The following PLCB4 variants were observed in gnomAD, a reference collection of about 807,000 sequenced individuals.
PLCB4 encodes phospholipase C beta 4.
A neutral mutation model predicts 178.8 loss-of-function variants in PLCB4; 77 were observed. That is an observed-to-expected ratio of 0.43 (90% confidence interval 0.36 to 0.52). The LOEUF (loss-of-function observed/expected upper bound fraction) is 0.52, where lower values mean the gene tolerates loss of function less well. Among genes scored for constraint, PLCB4 ranks in the 20% least tolerant of loss-of-function variants. The pLI is 0.00. For missense variants in PLCB4, 1,024 were observed against 1,453.4 expected (o/e 0.70, Z 4.80); for synonymous variants, 496 against 490.8 (o/e 1.01, Z -0.14).
At chr20:9,074,777 G>T (rs2089751479) in intron 1 of PLCB4, among the ~76,000 whole-genome samples, 1 of 142,834 alleles carries the variant, frequency 7.0e-6, no homozygotes, top group Non-Finnish European at 1.5e-5. Context: ...CAGGGTATCT[G>T]TCTCCCAGCT....
At chr20:9,111,921 T>A (rs555905296) in intron 2 of PLCB4, among the ~76,000 whole-genome samples, 1 of 152,200 alleles carries the variant, frequency 6.6e-6, no homozygotes, top group Non-Finnish European at 1.5e-5. Context: ...ATGTATTTAA[T>A]GTGTCTTAAA....
intron 1 of PLCB4, among the ~76,000 whole-genome samples, chr20:9,076,732 C>T (rs2089887458): frequency 6.6e-6 from 1 of 152,300 alleles, no homozygotes; most frequent in South Asian, 2.1e-4. Flanking sequence ...CACACTGGAT[C>T]AAATGAAAAT....
chr20:9,177,184 T>C (rs2093169563), intron 2 of PLCB4, among the ~76,000 whole-genome samples: 3 of 152,024 alleles, frequency 2.0e-5, no homozygotes, highest in Non-Finnish European at 4.4e-5. Flanking sequence ...TGAAAAAATA[T>C]ATCCAATAGA....
chr20:9,391,594 G>T (rs2038151188), intron 17 of PLCB4, among the ~76,000 whole-genome samples: 1 of 152,174 alleles, frequency 6.6e-6, no homozygotes, highest in African/African-American at 2.4e-5. Context: ...TGTATCCTTT[G>T]TCCCCCTTCC....
chr20:9,268,311 C>T (rs1294201435), intron 3 of PLCB4, among the ~76,000 whole-genome samples: 3 of 152,118 alleles, frequency 2.0e-5, no homozygotes, highest in Non-Finnish European at 4.4e-5. Context: ...TGGTTTCTTT[C>T]TGTTTCTCTG....
intron 2 of PLCB4, among the ~76,000 whole-genome samples, chr20:9,141,612 T>C (rs2092492297): frequency 6.6e-6 from 1 of 152,112 alleles, no homozygotes; most frequent in Non-Finnish European, 1.5e-5. Context: ...GCTGTAAATA[T>C]GTACTGAACA....
intron 2 of PLCB4, among the ~76,000 whole-genome samples, chr20:9,153,371 G>T (rs956456382): frequency 2.0e-5 from 3 of 152,168 alleles, no homozygotes; most frequent in Non-Finnish European, 4.4e-5. Context: ...GTCCCAGGGG[G>T]AGGTAATTAA....
At chr20:9,252,726 T>C (rs2094194129) in intron 3 of PLCB4, among the ~76,000 whole-genome samples, 1 of 152,156 alleles carries the variant, frequency 6.6e-6, no homozygotes, top group Non-Finnish European at 1.5e-5. Flanking sequence ...GGCTTCATCA[T>C]CCAGTCTGGG....
At position 9,157,049 on chromosome 20, in the gene PLCB4, C is replaced by T. The variant is rs185558217; in HGVS notation, c.-78-60341C>T. Among the ~76,000 whole-genome samples, 28 of 151,794 alleles carry T rather than the reference C, an allele frequency of 1.8e-4. No homozygotes were observed. The East Asian group carries it at 4.7e-3, about 25-fold the overall frequency. Reference sequence around the variant, plus strand: ...TGCACAATGTTCTTCCTCTGTTCTTCGCTATTTTAGTCCAAAATGCCTGCT... The same window carrying T: ...TGCACAATGTTCTTCCTCTGTTCTTTGCTATTTTAGTCCAAAATGCCTGCT... On this transcript the variant is annotated intron_variant, in intron 2 of 39. Coordinates refer to ENST00000378473, the MANE Select transcript of PLCB4 (RefSeq NM_001377142.1).
intron 11 of PLCB4, among the ~76,000 whole-genome samples, chr20:9,372,801 TA>T (rs199930688): frequency 0.14 from 20,572 of 143,242 alleles, 3,537 homozygotes; most frequent in African/African-American, 0.41. Flanking sequence ...TTGAAAACGG[TA>T]AAAAAAAAAA....
chr20:9,241,046 A>G (rs2094054952), intron 3 of PLCB4, among the ~76,000 whole-genome samples: 1 of 152,190 alleles, frequency 6.6e-6, no homozygotes, highest in Non-Finnish European at 1.5e-5. Context: ...AGAAGGAAAG[A>G]TAAGACCTAT....
intron 9 of PLCB4, among the ~76,000 whole-genome samples, chr20:9,368,898 C>G (rs1345619356): frequency 6.6e-6 from 1 of 152,138 alleles, no homozygotes; most frequent in Admixed American, 6.6e-5. Flanking sequence ...AACAAAAACT[C>G]ATTGAGTACC....
intron 3 of PLCB4, among the ~76,000 whole-genome samples, chr20:9,259,312 A>T (rs191074574): frequency 1.7e-3 from 253 of 152,332 alleles, no homozygotes; most frequent in Middle Eastern, 3.4e-3. Flanking sequence ...TGTAATTTTC[A>T]TATTGTAAAT....
At chr20:9,105,753 C>T (rs1396236290) in intron 2 of PLCB4, among the ~76,000 whole-genome samples, 4 of 151,948 alleles carry the variant, frequency 2.6e-5, no homozygotes, top group South Asian at 4.1e-4. Flanking sequence ...CCTGCAAAGT[C>T]TTCTGGAAAA....
chr20:9,435,699 T>C lies in PLCB4; in HGVS notation c.2613+51T>C, dbSNP rs904575869. The stretch of plus-strand genomic sequence containing the variant: ...TGGCCAAGTTGTGGGAGTTTGATTA[T>C]CAAACAGTGTTTACAAAAACAAGAC... On this transcript the variant is annotated intron_variant, in intron 29 of 39. Coordinates refer to ENST00000378473, the MANE Select transcript of PLCB4 (RefSeq NM_001377142.1). 2.9e-6 allele frequency: 3 copies of C among 1,027,500 alleles called. No homozygotes were observed. In the South Asian group the frequency reaches 4.1e-5, roughly 14 times the overall value. 63.6% of individuals were successfully genotyped at this position (1,027,500 alleles called of 1,614,324 possible).
chr20:9,189,808 C>A (rs1288197176), intron 2 of PLCB4, among the ~76,000 whole-genome samples: 1 of 152,070 alleles, frequency 6.6e-6, no homozygotes, highest in Non-Finnish European at 1.5e-5. Context: ...GGCTAGTTTG[C>A]GCTAGCCCCT....
intron 4 of PLCB4, among the ~76,000 whole-genome samples, chr20:9,321,634 GT>G (rs941914729): frequency 1.3e-5 from 2 of 151,876 alleles, no homozygotes; most frequent in Non-Finnish European, 2.9e-5. Context: ...TAGGTTTTTT[GT>G]TTTTTGTTTT....
chr20:9,182,139 G>T (rs2093256580), intron 2 of PLCB4, among the ~76,000 whole-genome samples: 2 of 152,178 alleles, frequency 1.3e-5, no homozygotes, highest in Non-Finnish European at 2.9e-5. Flanking sequence ...TCATTAGCTG[G>T]AGTGGTTTTA....
chr20:9,100,212 C>T (rs2091088809), intron 2 of PLCB4, among the ~76,000 whole-genome samples: 1 of 152,138 alleles, frequency 6.6e-6, no homozygotes, highest in African/African-American at 2.4e-5. Context: ...TGGTGACCAG[C>T]ACCAACAGTG....
Sources: allele counts gnomAD v4.1 joint callset (sites outside exome capture counted in the v4.1 genomes callset), GRCh38; gene constraint gnomAD v4.1.1; transcripts MANE v1.5; gene names NCBI Gene and HGNC (gene_info 2026-07-23, HGNC 2026-07-21).